Variants in AFG2B observed in about 807,000 individuals in gnomAD.
AFG2B encodes AAA ATPase AFG2B, also known as ATPase family gene 2 protein homolog B.
At chr15:45,407,813 C>G in the AFG2B span, among the ~76,000 whole-genome samples, 2 of 151,968 alleles carry the variant, frequency 1.3e-5, no homozygotes, top group African/African-American at 4.8e-5. Flanking sequence ...AAATACAGTA[C>G]AGATATTTTT....
chr15:45,419,513 C>T, the AFG2B span, among the ~76,000 whole-genome samples: 34 of 151,784 alleles, frequency 2.2e-4, no homozygotes, highest in South Asian at 6.9e-3. Context: ...ACACACGGGT[C>T]CTTGTAAACC....
At chr15:45,407,922 G>A in the AFG2B span, among the ~76,000 whole-genome samples, 5 of 152,188 alleles carry the variant, frequency 3.3e-5, no homozygotes, top group Non-Finnish European at 7.3e-5. Flanking sequence ...ACCTGAGAGT[G>A]AAGACGACTT....
the AFG2B span, among the ~76,000 whole-genome samples, chr15:45,419,627 A>G: frequency 2.6e-5 from 4 of 152,198 alleles, no homozygotes; most frequent in African/African-American, 9.7e-5. Flanking sequence ...TCACATTTTT[A>G]TAATCACTAC....
the AFG2B span, chr15:45,415,692 G>A: frequency 1.2e-6 from 2 of 1,613,972 alleles, no homozygotes; most frequent in Admixed American, 3.3e-5. Context: ...TGATGTTCAA[G>A]AACGAGTTCT....
chr15:45,419,160 G>T, the AFG2B span, among the ~76,000 whole-genome samples: 1 of 152,152 alleles, frequency 6.6e-6, no homozygotes, highest in Admixed American at 6.5e-5. Context: ...TAAAGCGAAA[G>T]AAGTGGGCTA....
At chr15:45,412,291 C>T in the AFG2B span, among the ~76,000 whole-genome samples, 1 of 152,064 alleles carries the variant, frequency 6.6e-6, no homozygotes. Flanking sequence ...ATCCCAACTA[C>T]TGGGAAGGCT....
the AFG2B span, chr15:45,402,799 G>T: frequency 7.5e-6 from 12 of 1,593,428 alleles, no homozygotes; most frequent in African/African-American, 1.2e-4. Flanking sequence ...AGGCGCGCCC[G>T]GTGCCCGGAA....
the AFG2B span, chr15:45,407,061 G>C: frequency 7.8e-7 from 1 of 1,289,042 alleles, no homozygotes; most frequent in Non-Finnish European, 1.0e-6. Flanking sequence ...CTCTCACTTA[G>C]GTGGACCAGT....
At chr15:45,418,034 G>A in the AFG2B span, among the ~76,000 whole-genome samples, 4 of 152,118 alleles carry the variant, frequency 2.6e-5, no homozygotes, top group Middle Eastern at 3.2e-3. Flanking sequence ...ATGTCTGATA[G>A]TATTATTTGT....
the AFG2B span, chr15:45,410,232 C>A: frequency 1.2e-6 from 1 of 842,506 alleles, no homozygotes; most frequent in Non-Finnish European, 1.8e-6. Flanking sequence ...ATTCTTTGTA[C>A]TATGTATATA....
At chr15:45,414,886 A>T in the AFG2B span, 2 of 988,744 alleles carry the variant, frequency 2.0e-6, no homozygotes, top group African/African-American at 3.3e-5. Flanking sequence ...CAGTTAAAAA[A>T]TTTATACGTT....
At chr15:45,410,238 A>T in the AFG2B span, 8 of 901,828 alleles carry the variant, frequency 8.9e-6, no homozygotes, top group South Asian at 1.4e-4. Flanking sequence ...TGTACTATGT[A>T]TATAAATTGT....
the AFG2B span, chr15:45,410,658 C>A: frequency 2.3e-6 from 2 of 867,216 alleles, no homozygotes; most frequent in Non-Finnish European, 3.3e-6. Context: ...CATCTAAATC[C>A]AATGATTGCT....
the AFG2B span, chr15:45,405,198 C>A: frequency 1.1e-6 from 1 of 950,250 alleles, no homozygotes; most frequent in Non-Finnish European, 1.5e-6. Context: ...CACCCCCAAC[C>A]CTTCCCAGTG....
the AFG2B span, among the ~76,000 whole-genome samples, chr15:45,408,380 TCATCTCC>T: frequency 6.6e-6 from 1 of 152,222 alleles, no homozygotes; most frequent in African/African-American, 2.4e-5. Flanking sequence ...TCTCTCTCTG[TCATCTCC>T]ATATATATGT....
the AFG2B span, chr15:45,405,188 C>A: frequency 1.2e-6 from 1 of 825,012 alleles, no homozygotes; most frequent in Admixed American, 2.9e-5. Flanking sequence ...TTCATCCCCT[C>A]ACCCCCAACC....
chr15:45,408,138 G>A, the AFG2B span, among the ~76,000 whole-genome samples: 1 of 152,144 alleles, frequency 6.6e-6, no homozygotes, highest in Non-Finnish European at 1.5e-5. Flanking sequence ...GGTATGAACA[G>A]GTAGTTGACA....
the AFG2B span, among the ~76,000 whole-genome samples, chr15:45,404,890 AATTG>A: frequency 2.0e-5 from 3 of 151,214 alleles, no homozygotes; most frequent in Admixed American, 6.6e-5. Context: ...ATTCTTTTTT[AATTG>A]ATCTATTTTT....
chr15:45,414,420 C>G, the AFG2B span: 1 of 674,394 alleles, frequency 1.5e-6, no homozygotes. Flanking sequence ...TCACCTGATT[C>G]AAATGATAAG....
Sources: gnomAD v4.1 joint callset for allele counts (sites outside exome capture counted in the v4.1 genomes callset) on GRCh38, gnomAD v4.1.1 for gene constraint, MANE v1.5 for transcripts, NCBI Gene and HGNC (gene_info 2026-07-23, HGNC 2026-07-21) for gene names.